Variants in FOXO3 observed in about 807,000 individuals in gnomAD.
FOXO3 encodes forkhead box protein O3.
Under a neutral mutation model 41.9 loss-of-function variants are expected in FOXO3, and 4 were observed. The observed-to-expected ratio is 0.10, with a 90% CI of 0.05 to 0.22. The LOEUF (loss-of-function observed/expected upper bound fraction) is 0.22, where lower values mean the gene tolerates loss of function less well. Among genes scored for constraint, FOXO3 ranks in the 10% least tolerant of loss-of-function variants. The pLI is 1.00. For synonymous variants in FOXO3, 318 were observed against 389.3 expected (o/e 0.82, Z 2.16); for missense variants, 534 against 906.8 (o/e 0.59, Z 5.28).
intron 1 of FOXO3, among the ~76,000 whole-genome samples, chr6:108,643,513 A>T (rs999031174): frequency 6.6e-6 from 1 of 152,242 alleles, no homozygotes; most frequent in Non-Finnish European, 1.5e-5. Context: ...CAAGATGAGC[A>T]ACACTCAGAA....
intron 1 of FOXO3, among the ~76,000 whole-genome samples, chr6:108,637,159 A>G (rs977121695): frequency 2.0e-5 from 3 of 152,186 alleles, no homozygotes; most frequent in African/African-American, 4.8e-5. Flanking sequence ...TTGAGAGAAC[A>G]CATAGAAAGT....
chr6:108,582,575 C>G (rs921205174), intron 1 of FOXO3, among the ~76,000 whole-genome samples: 1 of 152,014 alleles, frequency 6.6e-6, no homozygotes, highest in Admixed American at 6.5e-5. Context: ...ACCTTAATCC[C>G]TTTGTTAGGT....
At chr6:108,611,014 A>T (rs996303928) in intron 1 of FOXO3, among the ~76,000 whole-genome samples, 4 of 152,154 alleles carry the variant, frequency 2.6e-5, no homozygotes, top group Non-Finnish European at 5.9e-5. Flanking sequence ...GCTTATTTTC[A>T]TCAGTCCCTC....
At chr6:108,618,011 C>T in intron 1 of FOXO3, 1 of 643,128 alleles carries the variant, frequency 1.6e-6, no homozygotes, top group Admixed American at 1.9e-5. Context: ...CAGTAGACAC[C>T]TCCCATCTGC....
chr6:108,578,851 A>G (rs1457921580), intron 1 of FOXO3, among the ~76,000 whole-genome samples: 2 of 152,172 alleles, frequency 1.3e-5, no homozygotes, highest in Admixed American at 1.3e-4. Context: ...GTCAGAGGTA[A>G]GGCGGGACAT....
chr6:108,676,543 T>C (rs1053197291), intron 2 of FOXO3, among the ~76,000 whole-genome samples: 1 of 152,166 alleles, frequency 6.6e-6, no homozygotes, highest in Non-Finnish European at 1.5e-5. Context: ...GCCTGGCCCC[T>C]TAATCCGATG....
chr6:108,652,954 C>G (rs1344818524), intron 1 of FOXO3, among the ~76,000 whole-genome samples: 1 of 152,204 alleles, frequency 6.6e-6, no homozygotes, highest in African/African-American at 2.4e-5. Context: ...CTGCTAAGGC[C>G]TTGCTCCACC....
upstream of FOXO3, among the ~76,000 whole-genome samples, chr6:108,560,483 C>G (rs1044255997): frequency 6.6e-6 from 1 of 152,204 alleles, no homozygotes; most frequent in African/African-American, 2.4e-5. Flanking sequence ...TGCGCCCAGA[C>G]CCCCGTTCGC....
intron 1 of FOXO3, among the ~76,000 whole-genome samples, chr6:108,590,028 A>T (rs770829655): frequency 6.6e-6 from 1 of 152,220 alleles, no homozygotes; most frequent in African/African-American, 2.4e-5. Flanking sequence ...GTTCAGTGCA[A>T]TGTCTTAATA....
At chr6:108,640,837 A>T (rs1231551151) in intron 1 of FOXO3, among the ~76,000 whole-genome samples, 1 of 152,188 alleles carries the variant, frequency 6.6e-6, no homozygotes, top group Non-Finnish European at 1.5e-5. Flanking sequence ...CAACAAATAT[A>T]TATTTTGCCC....
At chr6:108,578,935 A>T (rs1582740490) in intron 1 of FOXO3, among the ~76,000 whole-genome samples, 2 of 152,286 alleles carry the variant, frequency 1.3e-5, no homozygotes, top group East Asian at 3.9e-4. Context: ...GATCCAAACA[A>T]GTATGCTGCT....
At chr6:108,605,155 GTCAC>G (rs1167917759) in intron 1 of FOXO3, among the ~76,000 whole-genome samples, 1 of 151,702 alleles carries the variant, frequency 6.6e-6, no homozygotes, top group Non-Finnish European at 1.5e-5. Context: ...GTCTCATTCT[GTCAC>G]CCAGGCTGGA....
chr6:108,642,111 C>T (rs1424305187), intron 1 of FOXO3, among the ~76,000 whole-genome samples: 30 of 121,304 alleles, frequency 2.5e-4, no homozygotes, highest in Non-Finnish European at 5.3e-4. Flanking sequence ...TTTTTTGAGA[C>T]AGGGTTTCAC....
At chr6:108,565,284 C>A (rs114444501) in intron 1 of FOXO3, among the ~76,000 whole-genome samples, 1 of 152,306 alleles carries the variant, frequency 6.6e-6, no homozygotes, top group African/African-American at 2.4e-5. Flanking sequence ...TTGTCAGATA[C>A]TGTGTCAGGG....
At chr6:108,600,461 C>T (rs375766402) in intron 1 of FOXO3, among the ~76,000 whole-genome samples, 3 of 142,584 alleles carry the variant, frequency 2.1e-5, no homozygotes, top group African/African-American at 5.2e-5. Flanking sequence ...GCAGGAGAGT[C>T]GCTTGAACTG....
In FOXO3 at chr6:108,637,278, G is replaced by A. The variant is rs868277571; in HGVS notation, c.622-26177G>A. Among the ~76,000 whole-genome samples the A allele has an allele frequency of 5.3e-5, 8 of 152,272 alleles. No individual in the cohort carries two copies. The South Asian group carries it at 6.2e-4, about 12-fold the overall frequency. On this transcript the variant is annotated intron_variant, in intron 1 of 2. Transcript: ENST00000406360. ...AGTTTGATGAGCTCCTTGTGAACAT[G>A]TGAATCAGTAGTTTCTCGAGGTGCT...
Position 108,561,250 on chromosome 6 carries a change from C to G in FOXO3, c.42C>G (p.Leu14=), listed in dbSNP as rs747631182. 1.9e-4 allele frequency: 295 copies of G among 1,564,782 alleles called. 5 individuals are homozygous for G. In the South Asian group the frequency reaches 2.4e-3, roughly 13 times the overall value. ...CTTCCCCGGCCCCGCTCTCTCCGCT[C>G]GAAGTGGAGCTGGACCCGGAGTTCG... is the stretch of plus-strand genomic sequence containing the variant. ...APASPAPLSP[L]EVELDPEFEP... The change falls in exon 1 of 3, where the codon CTC becomes CTG. Residue 14 remains leucine, a synonymous_variant. Coordinates refer to ENST00000406360, the MANE Select transcript of FOXO3 (RefSeq NM_001455.4).
At chr6:108,645,891 A>G (rs1778380522) in intron 1 of FOXO3, among the ~76,000 whole-genome samples, 1 of 152,248 alleles carries the variant, frequency 6.6e-6, no homozygotes, top group Admixed American at 6.5e-5. Flanking sequence ...ACACACAGAG[A>G]TAACATGCAG....
At position 108,664,075 on chromosome 6, in the gene FOXO3, C is replaced by T. The variant is rs1179870001; in HGVS notation, c.1242C>T (p.Phe414=). ...GACTCATGCAGCGGAGCTCTAGCTT[C>T]CCGTATACCACCAAGGGCTCGGGCC... ...TGGLMQRSSS[F]PYTTKGSGLG... Residue 414 remains phenylalanine, a synonymous_variant, in exon 2 of 3, where the codon TTC becomes TTT. Transcript: ENST00000406360. The T allele has an allele frequency of 8.7e-6, 14 of 1,614,084 alleles. No homozygotes were observed. Among genetic ancestry groups the T allele is most frequent in the Non-Finnish European group, 1.1e-5 (13 of 1,180,056 alleles).
Sources: allele counts gnomAD v4.1 joint callset (sites outside exome capture counted in the v4.1 genomes callset), GRCh38; gene constraint gnomAD v4.1.1; transcripts MANE v1.5; gene names NCBI Gene and HGNC (gene_info 2026-07-23, HGNC 2026-07-21).